Variants in RNF126 observed in about 807,000 individuals in gnomAD.
RNF126 encodes the protein ring finger protein 126.
A neutral mutation model predicts 41.9 loss-of-function variants in RNF126; 20 were observed. The ratio of observed to expected loss-of-function variants is 0.48; its 90% CI spans 0.34 to 0.69. The LOEUF is 0.69. Among genes scored for constraint, RNF126 ranks in the 30% least tolerant of loss-of-function variants. The probability of loss-of-function intolerance (pLI) is 0.01; values close to 1 mark genes in which losing one functional copy is unlikely to be tolerated. For missense variants in RNF126, 433 were observed against 460.6 expected (o/e 0.94, Z 0.55); for synonymous variants, 239 against 202.9 (o/e 1.18, Z -1.51).
chr19:654,844 G>A (rs1033720354), intron 1 of RNF126, among the ~76,000 whole-genome samples: 1 of 151,790 alleles, frequency 6.6e-6, no homozygotes, highest in South Asian at 2.1e-4. Flanking sequence ...GCACGTACCT[G>A]TAATCCCAGC....
chr19:651,585 C>T (rs557298780), intron 4 of RNF126, 26 bp downstream of exon 4: 301 of 1,394,348 alleles, frequency 2.2e-4, no homozygotes, highest in East Asian at 1.1e-3. Context: ...GTGGGGCCCT[C>T]GCGGCCACCC....
chr19:657,554 G>A (rs890343832), intron 1 of RNF126, among the ~76,000 whole-genome samples: 4 of 152,202 alleles, frequency 2.6e-5, no homozygotes, highest in South Asian at 2.1e-4. Flanking sequence ...GCCTGTGCAC[G>A]TCGGCCCTGC....
chr19:661,965 G>C (rs547021510), intron 1 of RNF126, among the ~76,000 whole-genome samples: 2 of 152,152 alleles, frequency 1.3e-5, no homozygotes, highest in East Asian at 3.9e-4. Context: ...ATAAAGCACG[G>C]GTGGCTCGAC....
intron 1 of RNF126, among the ~76,000 whole-genome samples, chr19:653,797 G>A (rs902602816): frequency 6.6e-6 from 1 of 152,372 alleles, no homozygotes; most frequent in South Asian, 2.1e-4. Context: ...AGTCTCAAGT[G>A]CTCCATCGCA....
At chr19:656,130 C>T (rs1299805093) in intron 1 of RNF126, among the ~76,000 whole-genome samples, 1 of 152,012 alleles carries the variant, frequency 6.6e-6, no homozygotes, top group Non-Finnish European at 1.5e-5. Flanking sequence ...GGTGGTTGCA[C>T]AACTTTATGA....
At chr19:649,175 G>C (rs1420327993) in intron 6 of RNF126, 200 bp from the exon 7 acceptor site, 1 of 340,334 alleles carries the variant, frequency 2.9e-6, no homozygotes, top group Non-Finnish European at 5.4e-6. Context: ...CGGTGGAATG[G>C]GGGAATGGGC....
chr19:652,183 C>A (rs1276006903), intron 3 of RNF126, 50 bp downstream of exon 3: 3 of 1,429,562 alleles, frequency 2.1e-6, no homozygotes, highest in Admixed American at 3.1e-5. Context: ...GCGCTCGGGG[C>A]CCCGAGCAAG....
At position 649,222 on chromosome 19, in the gene RNF126, G is replaced by GGA. The variant is rs1555680170; in HGVS notation, c.577-248_577-247insTC. ...CTCCTGGGTCCCTGACAGCGGAATG[G>GGA]GGGGGGGGGCCGCGCTCCTGAGTGC... On this transcript the variant is annotated intron_variant, in intron 6 of 8. Transcript: ENST00000292363. 12 of 255,522 alleles carry GGA rather than the reference G, an allele frequency of 4.7e-5. 1 individual carries two copies. The highest frequency in any genetic ancestry group is 8.0e-5 in the Non-Finnish European group (11 of 137,778). 15.8% of individuals were successfully genotyped at this position (255,522 alleles called of 1,614,324 possible).
chr19:650,292 T>C lies in RNF126; in HGVS notation c.448A>G (p.Ile150Val). The change falls in exon 5 of 9, where the codon ATC becomes GTC. Residue 150 changes from isoleucine (I) to valine (V), a missense_variant. By Grantham distance (29) the Ile-to-Val change is conservative (BLOSUM62 3). Transcript: ENST00000292363. ...ATGATGCCGTTGACGAGCTGCTGGATGATCCTGGAAAAGAGAGCGCCAGTC... is the reference window on the plus strand; with the variant it reads ...ATGATGCCGTTGACGAGCTGCTGGACGATCCTGGAAAAGAGAGCGCCAGTC... ...HEGVPTLEGI[I>V]QQLVNGIITP... is the part of the protein sequence containing the mutation. 1 of 1,579,760 alleles carries C rather than the reference T, an allele frequency of 6.3e-7. No homozygotes were observed. Among genetic ancestry groups the C allele is most frequent in the Non-Finnish European group, 8.6e-7 (1 of 1,164,122 alleles).
At chr19:657,744 C>T (rs1269136115) in intron 1 of RNF126, among the ~76,000 whole-genome samples, 2 of 152,172 alleles carry the variant, frequency 1.3e-5, no homozygotes, top group South Asian at 2.1e-4. Flanking sequence ...CTCAGGCCCC[C>T]GGCCAGCCCC....
At chr19:662,332 GC>G (rs2030840391) in intron 1 of RNF126, among the ~76,000 whole-genome samples, 1 of 152,186 alleles carries the variant, frequency 6.6e-6, no homozygotes, top group African/African-American at 2.4e-5. Context: ...CACTCGGCAC[GC>G]CCAGGCCCAG....
chr19:652,351 G>A, intron 2 of RNF126, 55 bp from the exon 3 acceptor site: 2 of 1,427,426 alleles, frequency 1.4e-6, no homozygotes, highest in South Asian at 1.3e-5. Context: ...CCATGCGCCA[G>A]GCGCTCCCTC....
At position 649,736 on chromosome 19, in the gene RNF126, G is replaced by C. The variant is rs910170222; in HGVS notation, c.519C>G (p.His173Gln). ...CCCAGGCGTAGTCCATAGGGTTTGAGTGCAGGACTCCCCTGGAGGTGGAAG... is the reference window on the plus strand; with the variant it reads ...CCCAGGCGTAGTCCATAGGGTTTGACTGCAGGACTCCCCTGGAGGTGGAAG... ...IPSLGPWGVL[H>Q]SNPMDYAWGA... The change falls in exon 6 of 9, where the codon CAC (histidine) becomes CAG (glutamine). Residue 173 changes from histidine to glutamine, a missense_variant. Transcript: ENST00000292363. 6.4e-7 allele frequency: 1 copy of C among 1,568,706 alleles called. No individual in the cohort carries two copies. The highest frequency in any genetic ancestry group is 8.7e-7 in the Non-Finnish European group (1 of 1,155,216).
Position 659,766 on chromosome 19 carries a change from CTT to C in RNF126, c.75+3279_75+3280del, listed in dbSNP as rs35641190. Among the ~76,000 whole-genome samples the C allele has an allele frequency of 4.3e-5, 6 of 138,778 alleles. No homozygotes were observed. The highest frequency in any genetic ancestry group is 4.7e-5 in the Non-Finnish European group (3 of 63,762). 91.0% of individuals were successfully genotyped at this position (138,778 alleles called of 152,430 possible). A position where few individuals can be genotyped will look rare whatever the true frequency, so the allele number is the denominator to read the frequency against. ...GACACCCAGACACCCTCGTCATCGC[CTT>C]TTTTTTTTTTTTTTGGAAGGAGTCT... On this transcript the variant is annotated intron_variant, in intron 1 of 8. Transcript: ENST00000292363. This position sits in a 1 kb window ranked among gnomAD's most constrained non-coding sequence, Gnocchi z 4.9.
chr19:660,751 G>GC (rs1249487868), intron 1 of RNF126, among the ~76,000 whole-genome samples: 5 of 152,132 alleles, frequency 3.3e-5, no homozygotes, highest in Admixed American at 6.5e-5. Flanking sequence ...CACCACCTCA[G>GC]CCCCCGCCAG....
chr19:652,220 G>A lies in RNF126; in HGVS notation c.198+13C>T, dbSNP rs771657856. On this transcript the variant is annotated intron_variant, in intron 3 of 8. Transcript: ENST00000292363. ...CTGACACGATCGGGAAGCACGAGGG[G>A]CGGGCGACTCACCTCCAACGGTGGC... 7.9e-6 allele frequency: 12 copies of A among 1,519,656 alleles called. No homozygotes were observed. The highest frequency in any genetic ancestry group is 1.3e-5 in the South Asian group (1 of 77,058). The allele number at this position is 1,519,656 out of a possible 1,614,324, so 94.1% of individuals were successfully genotyped here. A position where few individuals can be genotyped will look rare whatever the true frequency, so the allele number is the denominator to read the frequency against.
intron 1 of RNF126, among the ~76,000 whole-genome samples, chr19:660,487 C>A (rs1478977504): frequency 6.6e-6 from 1 of 152,144 alleles, no homozygotes; most frequent in Non-Finnish European, 1.5e-5. Context: ...CAGTGCCGCC[C>A]CTGACTCAGC....
Position 649,704 on chromosome 19 carries a change from T to C in RNF126, c.551A>G (p.Asn184Ser). ...CTGTGTGATGATGGCATCCAGGCCG[T>C]TGGCCCCCCAGGCGTAGTCCATAGG... ...SNPMDYAWGA[N>S]GLDAIITQLL... The change falls in exon 6 of 9, where the codon AAC (asparagine) becomes AGC (serine). Residue 184 changes from asparagine (N) to serine (S), a missense_variant. Around this residue, in one of 5 missense-constraint regions of RNF126, gnomAD observed 97 missense variants for 121.7 expected, o/e 0.80. Transcript: ENST00000292363. 6 of 1,569,528 alleles carry C rather than the reference T, an allele frequency of 3.8e-6. No homozygotes were observed. The highest frequency in any genetic ancestry group is 5.2e-6 in the Non-Finnish European group (6 of 1,155,558).
At chr19:656,289 G>A (rs967911132) in intron 1 of RNF126, among the ~76,000 whole-genome samples, 1 of 152,066 alleles carries the variant, frequency 6.6e-6, no homozygotes, top group African/African-American at 2.4e-5. Flanking sequence ...GGTGGAGGCT[G>A]CAGTGAGCCA....
Sources: gnomAD v4.1 joint callset for allele counts (sites outside exome capture counted in the v4.1 genomes callset) on GRCh38, gnomAD v4.1.1 for gene constraint, gnomAD v4.1.1 regional missense constraint, Gnocchi (gnomAD v3.1) non-coding constraint, MANE v1.5 for transcripts, NCBI Gene and HGNC (gene_info 2026-07-23, HGNC 2026-07-21) for gene names.